The following TBC1D5 variants were observed in gnomAD, a reference collection of about 807,000 sequenced individuals.
The protein encoded by TBC1D5 is TBC1 domain family, member 5.
TBC1D5 carries 75 observed loss-of-function variants against 100.3 expected under a neutral mutation model. The ratio of observed to expected loss-of-function variants is 0.75; its 90% confidence interval spans 0.62 to 0.91. The LOEUF is 0.91. Ranked by LOEUF, TBC1D5 falls within the 40% of genes least tolerant of loss-of-function variation. TBC1D5 has a pLI of 0.00. For missense variants in TBC1D5, 910 were observed against 942.4 expected, an observed-to-expected ratio of 0.97 and a Z score of 0.45; for synonymous variants, 323 against 325.6, an observed-to-expected ratio of 0.99 and a Z score of 0.09.
At chr3:17,512,478 T>G (rs891791332) in intron 2 of TBC1D5, among the ~76,000 whole-genome samples, 9 of 152,240 alleles carry the variant, frequency 5.9e-5, no homozygotes, top group Middle Eastern at 3.4e-3. Context: ...GAGAAAAGAA[T>G]ATAAAGGCCA....
intron 18 of TBC1D5, among the ~76,000 whole-genome samples, chr3:17,189,223 A>C (rs891832548): frequency 6.6e-6 from 1 of 152,228 alleles, no homozygotes; most frequent in African/African-American, 2.4e-5. Context: ...TCAAGTTAAG[A>C]CAGTGAAATG....
At chr3:17,545,699 G>A (rs1437696839) in intron 2 of TBC1D5, among the ~76,000 whole-genome samples, 1 of 151,576 alleles carries the variant, frequency 6.6e-6, no homozygotes, top group Non-Finnish European at 1.5e-5. Context: ...ACATTCAATG[G>A]GTCACCAACA....
chr3:17,467,645 C>T (rs1441160843), intron 3 of TBC1D5, among the ~76,000 whole-genome samples: 3 of 151,986 alleles, frequency 2.0e-5, no homozygotes, highest in African/African-American at 4.8e-5. Context: ...GAGGCTAAGG[C>T]GGGCAGATCA....
chr3:17,659,391 A>G (rs1396350547), intron 1 of TBC1D5, among the ~76,000 whole-genome samples: 1 of 152,124 alleles, frequency 6.6e-6, no homozygotes, highest in Admixed American at 6.6e-5. Context: ...AGAGATAACC[A>G]TCTAGGAAGA....
chr3:17,614,919 T>C lies in TBC1D5; in HGVS notation c.-36+8930A>G, dbSNP rs562301824. 2.0e-5 allele frequency among the ~76,000 whole-genome samples: 3 copies of C among 152,316 alleles called. No homozygotes were observed. In the South Asian group the frequency reaches 6.2e-4, roughly 32 times the overall value. On this transcript the variant is annotated intron_variant, in intron 2 of 21. Transcript: ENST00000253692. ...GCCCTGGCCAGAATTTCCAACACTATGTTGAATAGGAGTGGTGAGAGATGG... is the reference window on the plus strand; with the variant it reads ...GCCCTGGCCAGAATTTCCAACACTACGTTGAATAGGAGTGGTGAGAGATGG...
intron 1 of TBC1D5, among the ~76,000 whole-genome samples, chr3:17,727,977 T>A (rs565696087): frequency 5.5e-4 from 84 of 152,336 alleles, no homozygotes; most frequent in African/African-American, 1.9e-3. Context: ...AACAATATTT[T>A]GATACTAGAA....
At chr3:17,480,815 A>G (rs1181695868) in intron 3 of TBC1D5, among the ~76,000 whole-genome samples, 2 of 152,182 alleles carry the variant, frequency 1.3e-5, no homozygotes, top group Admixed American at 6.5e-5. Flanking sequence ...GTCTCCCGAG[A>G]GCTGCCGTTA....
At chr3:17,384,578 A>C (rs1466546659) in intron 8 of TBC1D5, among the ~76,000 whole-genome samples, 1 of 152,056 alleles carries the variant, frequency 6.6e-6, no homozygotes, top group Non-Finnish European at 1.5e-5. Flanking sequence ...CAATGAATGT[A>C]TAAGGGCCGA....
intron 16 of TBC1D5, among the ~76,000 whole-genome samples, chr3:17,257,467 G>T (rs948019737): frequency 6.6e-6 from 1 of 152,130 alleles, no homozygotes; most frequent in African/African-American, 2.4e-5. Context: ...AGACTCAGAT[G>T]AAATGAACAA....
chr3:17,225,361 C>G lies in TBC1D5; in HGVS notation c.1589-10991G>C, dbSNP rs9822096. 1.0e-3 allele frequency among the ~76,000 whole-genome samples: 151 copies of G among 150,876 alleles called. 1 individual carries two copies. The highest frequency in any genetic ancestry group is 3.4e-3 in the African/African-American group (141 of 41,028). On this transcript the variant is annotated intron_variant, in intron 17 of 21. Coordinates refer to ENST00000253692, the Ensembl canonical transcript of TBC1D5. ...GGCTGAGGCACGAGAATCACTTGAA[C>G]CTGGGAGGTGGAGGTTGCAGTGAGC... is the stretch of plus-strand genomic sequence containing the variant.
intron 2 of TBC1D5, among the ~76,000 whole-genome samples, chr3:17,596,700 CAAA>C (rs34625799): frequency 2.2e-5 from 1 of 44,942 alleles, no homozygotes; most frequent in Non-Finnish European, 4.7e-5. Flanking sequence ...GACTCCATCT[CAAA>C]AAAAAAAAAA....
intron 18 of TBC1D5, among the ~76,000 whole-genome samples, chr3:17,211,767 T>C (rs2073019112): frequency 6.6e-6 from 1 of 152,216 alleles, no homozygotes; most frequent in African/African-American, 2.4e-5. Flanking sequence ...TGAGGGTTTA[T>C]CTAACTGCCC....
intron 9 of TBC1D5, among the ~76,000 whole-genome samples, chr3:17,378,004 G>A (rs544671115): frequency 6.6e-6 from 1 of 150,926 alleles, no homozygotes; most frequent in African/African-American, 2.4e-5. Flanking sequence ...AATCATGAAG[G>A]GTTTACTCTC....
chr3:17,274,324 T>C (rs920598725), intron 15 of TBC1D5, among the ~76,000 whole-genome samples: 1 of 152,228 alleles, frequency 6.6e-6, no homozygotes. Flanking sequence ...TTTTGTTCAT[T>C]GCTATTCCAA....
intron 13 of TBC1D5, among the ~76,000 whole-genome samples, chr3:17,359,573 A>T (rs1247402961): frequency 6.6e-6 from 1 of 152,074 alleles, no homozygotes; most frequent in Non-Finnish European, 1.5e-5. Flanking sequence ...TTACAGGCAC[A>T]TTTGAAGCCC....
At chr3:17,549,344 C>A (rs1261049099) in intron 2 of TBC1D5, among the ~76,000 whole-genome samples, 1 of 152,090 alleles carries the variant, frequency 6.6e-6, no homozygotes, top group East Asian at 1.9e-4. Flanking sequence ...TTGGCAATTT[C>A]TTTTCTATAT....
intron 1 of TBC1D5, among the ~76,000 whole-genome samples, chr3:17,680,019 AGTCT>A (rs1243935947): frequency 6.6e-6 from 1 of 151,478 alleles, no homozygotes; most frequent in Non-Finnish European, 1.5e-5. Flanking sequence ...GAAAACTCTT[AGTCT>A]AAAAGTCTTA....
chr3:17,622,427 T>C (rs936802341), intron 2 of TBC1D5, among the ~76,000 whole-genome samples: 1 of 152,206 alleles, frequency 6.6e-6, no homozygotes, highest in African/African-American at 2.4e-5. Flanking sequence ...TCAGTACCAT[T>C]TATGCGTAGC....
chr3:17,663,539 A>ATAAAAAAATCTCT (rs1299359392), intron 1 of TBC1D5, among the ~76,000 whole-genome samples: 2 of 152,186 alleles, frequency 1.3e-5, no homozygotes, highest in African/African-American at 2.4e-5. Flanking sequence ...TTATAAAATT[A>ATAAAAAAATCTCT]GCAGAGATGT....
Sources: allele counts gnomAD v4.1 joint callset (sites outside exome capture counted in the v4.1 genomes callset), GRCh38; gene constraint gnomAD v4.1.1; transcripts MANE v1.5; gene names NCBI Gene and HGNC (gene_info 2026-07-23, HGNC 2026-07-21).